TPO: variants seen among roughly 807,000 people sequenced by gnomAD.
TPO encodes thyroid peroxidase.
TPO carries 78 observed loss-of-function variants against 96.9 expected under a neutral mutation model. The observed-to-expected ratio is 0.81, with a 90% CI of 0.67 to 0.97. The LOEUF is 0.97. Ranked by LOEUF, TPO falls within the 50% of genes least tolerant of loss-of-function variation. The pLI, the probability that TPO is intolerant of heterozygous loss-of-function variation, is 0.00. For missense variants in TPO, 1,252 were observed against 1,274.8 expected, an observed-to-expected ratio of 0.98 and a Z score of 0.27; for synonymous variants, 547 against 538.0, an observed-to-expected ratio of 1.02 and a Z score of -0.23.
chr2:1,540,961 A>C, intron 16 of TPO: 1 of 1,488,490 alleles, frequency 6.7e-7, no homozygotes, highest in Non-Finnish European at 9.0e-7. Flanking sequence ...CGGTTCCAAA[A>C]CTAAGGGCTC....
At chr2:1,422,336 TCCTGGACCGACCTCGTGCAGGCGCCGC>T (rs1663710646) in intron 2 of TPO, among the ~76,000 whole-genome samples, 1 of 51,738 alleles carries the variant, frequency 1.9e-5, no homozygotes, top group Non-Finnish European at 4.2e-5. Context: ...CAGGCGCCTC[TCCTGGACCGACCTCGTGCAGGCGCCGC>T]GCTGGACCGA....
At chr2:1,478,866 A>C (rs6708496) in intron 8 of TPO, among the ~76,000 whole-genome samples, 71,907 of 115,584 alleles carry the variant, frequency 0.62, 22,479 homozygotes, top group East Asian at 0.76. Context: ...GCAAACACAG[A>C]AGACGAGCTC....
At chr2:1,384,573 CT>C (rs1449361077) in intron 1 of TPO, among the ~76,000 whole-genome samples, 1 of 152,150 alleles carries the variant, frequency 6.6e-6, no homozygotes, top group African/African-American at 2.4e-5. Context: ...TATCCTGAGA[CT>C]TTGCTGAAGT....
At chr2:1,412,174 C>T (rs1011347723), upstream of TPO, among the ~76,000 whole-genome samples, 3 of 152,246 alleles carry the variant, frequency 2.0e-5, no homozygotes, top group Non-Finnish European at 2.9e-5. Flanking sequence ...CCTGAGTCTG[C>T]TGCTCCTTTG....
intron 1 of TPO, among the ~76,000 whole-genome samples, chr2:1,382,833 C>T (rs911431690): frequency 2.0e-5 from 3 of 151,364 alleles, no homozygotes; most frequent in Admixed American, 1.3e-4. Flanking sequence ...ATCCATTACT[C>T]GTCATTTACA....
chr2:1,537,540 A>AACCCCCCAAATCCCCCAACT (rs148330276), intron 15 of TPO, among the ~76,000 whole-genome samples: 3 of 22,126 alleles, frequency 1.4e-4, no homozygotes, highest in African/African-American at 4.8e-4. Flanking sequence ...TATCCCCCCC[A>AACCCCCCAAATCCCCCAACT]GTGTGCAACC....
In TPO at chr2:1,480,662, C is replaced by A. The variant is rs150094027; in HGVS notation, c.1338+3058C>A. Among the ~76,000 whole-genome samples the A allele has an allele frequency of 1.6e-3, 169 of 103,180 alleles. 1 individual carries two copies. Among genetic ancestry groups the A allele is most frequent in the African/African-American group, 5.6e-3 (168 of 29,752 alleles). 67.7% of individuals were successfully genotyped at this position (103,180 alleles called of 152,430 possible). The stretch of plus-strand genomic sequence containing the variant: ...CAGCAAGAGACAGGAAAGGTCATCT[C>A]AGAGCCGGGAGTCACAGCTTTCTCC... On this transcript the variant is annotated intron_variant, in intron 8 of 16. Transcript: ENST00000329066.
intron 5 of TPO, among the ~76,000 whole-genome samples, chr2:1,450,067 T>C (rs1024782725): frequency 1.3e-5 from 2 of 152,198 alleles, no homozygotes; most frequent in Non-Finnish European, 1.5e-5. Context: ...GCATCCCGTG[T>C]CCCGCTGCTG....
intron 15 of TPO, among the ~76,000 whole-genome samples, chr2:1,525,414 C>A (rs1223638396): frequency 8.3e-6 from 1 of 120,288 alleles, no homozygotes; most frequent in African/African-American, 3.2e-5. Context: ...TTCCTCAAAT[C>A]CCCCCACTGT....
At chr2:1,493,692 A>C in intron 10 of TPO, 110 bp from the exon 11 acceptor site, 1 of 1,292,940 alleles carries the variant, frequency 7.7e-7, no homozygotes, top group South Asian at 1.2e-5. Context: ...AGGGTGGGAC[A>C]GGACTCTGCC....
At chr2:1,413,838 G>C (rs1409200221) in intron 1 of TPO, 1 of 626,296 alleles carries the variant, frequency 1.6e-6, no homozygotes, top group Non-Finnish European at 2.0e-6. Context: ...AATAGCCACA[G>C]AAAGCCTAAG....
rs774356981 is a variant in TPO at position 1,484,867 on chromosome 2, G to C, written c.1597+13G>C. ...TTACTCCGTGGAGGTGAGTGAGTGC[G>C]GTCCCTGCAGCTGGTCCCCATGAAC... On this transcript the variant is annotated intron_variant, in intron 9 of 16. Transcript: ENST00000329066. 1.2e-6 allele frequency: 2 copies of C among 1,613,292 alleles called. No individual in the cohort carries two copies. Among genetic ancestry groups the C allele is most frequent in the Middle Eastern group, 1.7e-4 (1 of 5,832 alleles).
intron 5 of TPO, among the ~76,000 whole-genome samples, chr2:1,438,181 A>G (rs1665778885): frequency 6.6e-6 from 1 of 150,698 alleles, no homozygotes; most frequent in South Asian, 2.1e-4. Context: ...GAGGGTGGGG[A>G]TCCCGGGGGA....
At chr2:1,409,615 C>A (rs1662297228), upstream of TPO, among the ~76,000 whole-genome samples, 1 of 152,116 alleles carries the variant, frequency 6.6e-6, no homozygotes, top group African/African-American at 2.4e-5. Context: ...GATTACATCT[C>A]AGAGCTCACC....
chr2:1,444,707 A>T (rs1666593951), intron 5 of TPO, among the ~76,000 whole-genome samples: 1 of 18,646 alleles, frequency 5.4e-5, no homozygotes. Context: ...GGGAATGGGC[A>T]GGCTCCTTCC....
intron 8 of TPO, among the ~76,000 whole-genome samples, chr2:1,480,848 CAT>C (rs1491294016): frequency 3.3e-5 from 5 of 152,198 alleles, no homozygotes; most frequent in South Asian, 2.1e-4. Flanking sequence ...CTGTCCTCAC[CAT>C]ACCCACTCTA....
intron 15 of TPO, among the ~76,000 whole-genome samples, chr2:1,536,924 AAT>A (rs1679812753): frequency 9.8e-6 from 1 of 102,286 alleles, no homozygotes; most frequent in African/African-American, 4.1e-5. Flanking sequence ...CAACCTCCCA[AAT>A]CCCCCCCAAT....
At chr2:1,472,252 G>C (rs1327425280) in intron 7 of TPO, among the ~76,000 whole-genome samples, 1 of 151,418 alleles carries the variant, frequency 6.6e-6, no homozygotes, top group Non-Finnish European at 1.5e-5. Flanking sequence ...CACATGATCT[G>C]AGTGCTCATG....
intron 15 of TPO, among the ~76,000 whole-genome samples, chr2:1,539,098 A>G (rs924161632): frequency 1.3e-5 from 2 of 152,198 alleles, no homozygotes; most frequent in African/African-American, 4.8e-5. Flanking sequence ...CCTTACTTCC[A>G]GGCAAGGTAA....
Sources: gnomAD v4.1 joint callset for allele counts (sites outside exome capture counted in the v4.1 genomes callset) on GRCh38, gnomAD v4.1.1 for gene constraint, MANE v1.5 for transcripts, NCBI Gene and HGNC (gene_info 2026-07-23, HGNC 2026-07-21) for gene names.